Variants in PPP2R2A observed in about 807,000 individuals in gnomAD.
PPP2R2A encodes serine/threonine-protein phosphatase 2A 55 kDa regulatory subunit B alpha isoform.
PPP2R2A carries 9 observed loss-of-function variants against 53.2 expected under a neutral mutation model. That is an observed-to-expected ratio of 0.17 (90% CI 0.10 to 0.30). The LOEUF (loss-of-function observed/expected upper bound fraction) is 0.30. Ranked by LOEUF, PPP2R2A falls within the 10% of genes least tolerant of loss-of-function variation. The probability of loss-of-function intolerance (pLI) is 1.00; values close to 1 mark genes in which losing one functional copy is unlikely to be tolerated. For synonymous variants in PPP2R2A, 169 were observed against 174.2 expected (o/e 0.97, Z 0.23); for missense variants, 235 against 534.6 (o/e 0.44, Z 5.53).
At chr8:26,293,108 T>C (rs1267562671) in intron 1 of PPP2R2A, 1 of 803,706 alleles carries the variant, frequency 1.2e-6, no homozygotes, top group African/African-American at 1.7e-5. Flanking sequence ...TTTAGCAGCA[T>C]TCATTTCGGT....
chr8:26,316,373 T>C (rs2117251579), intron 2 of PPP2R2A, among the ~76,000 whole-genome samples: 1 of 152,308 alleles, frequency 6.6e-6, no homozygotes, highest in South Asian at 2.1e-4. Flanking sequence ...CAAATTAAAA[T>C]AGCTTTTGTC....
intron 2 of PPP2R2A, among the ~76,000 whole-genome samples, chr8:26,300,577 G>C (rs1323145700): frequency 6.6e-6 from 1 of 152,078 alleles, no homozygotes; most frequent in Non-Finnish European, 1.5e-5. Flanking sequence ...AAAAGCTGGC[G>C]GGGCGCGGTG....
intron 2 of PPP2R2A, among the ~76,000 whole-genome samples, chr8:26,335,321 T>TA (rs1433248819): frequency 2.0e-5 from 3 of 152,254 alleles, no homozygotes; most frequent in East Asian, 1.9e-4. Flanking sequence ...TCCATAAACT[T>TA]AGAGATTTAG....
intron 2 of PPP2R2A, among the ~76,000 whole-genome samples, chr8:26,301,384 G>A (rs1449850483): frequency 1.3e-5 from 2 of 148,378 alleles, no homozygotes; most frequent in Non-Finnish European, 3.0e-5. Flanking sequence ...CCTGGCTGGA[G>A]TGCAATGGCG....
At position 26,370,106 on chromosome 8, in the gene PPP2R2A, T is replaced by A; in HGVS notation, c.1065-28T>A. The A allele has an allele frequency of 1.9e-6, 3 of 1,587,804 alleles. No homozygotes were observed. The African/African-American group carries it at 4.1e-5, about 21-fold the overall frequency. On this transcript the variant is annotated intron_variant, in intron 9 of 9. Transcript: ENST00000380737. The surrounding 1 kb of genome is among the most constrained non-coding windows in gnomAD (Gnocchi z 6.1). ...AAAACAATTTCTTGTTCTGCTTGTTTGACTGAGTGTACTGTCTATTTTCAC... is the reference window on the plus strand; with the variant it reads ...AAAACAATTTCTTGTTCTGCTTGTTAGACTGAGTGTACTGTCTATTTTCAC...
intron 2 of PPP2R2A, among the ~76,000 whole-genome samples, chr8:26,325,836 T>A (rs929257376): frequency 6.6e-6 from 1 of 152,154 alleles, no homozygotes; most frequent in Non-Finnish European, 1.5e-5. Flanking sequence ...TTTTTATTTA[T>A]TTTTTATTAT....
At chr8:26,314,618 AT>A (rs2117245227) in intron 2 of PPP2R2A, among the ~76,000 whole-genome samples, 1 of 152,114 alleles carries the variant, frequency 6.6e-6, no homozygotes. Flanking sequence ...GCTGGTTAAC[AT>A]TTTCCGTTAG....
Position 26,291,784 on chromosome 8 carries a change from C to T in PPP2R2A, c.-36C>T, listed in dbSNP as rs781345179. On this transcript the variant is annotated 5_prime_UTR_variant, in exon 1 of 10. Transcript: ENST00000380737. The stretch of plus-strand genomic sequence containing the variant: ...GGGTGAGTTCAGGAAGCGGAGACCC[C>T]GAGGAACCCAGCAGGGTCACCATTT... The T allele has an allele frequency of 6.3e-7, 1 of 1,595,942 alleles. No homozygotes were observed. Among genetic ancestry groups the T allele is most frequent in the African/African-American group, 1.4e-5 (1 of 73,150 alleles).
intron 2 of PPP2R2A, among the ~76,000 whole-genome samples, chr8:26,301,701 A>C (rs186563405): frequency 6.6e-6 from 1 of 152,144 alleles, no homozygotes; most frequent in African/African-American, 2.4e-5. Context: ...ATCAAAATTG[A>C]TATCATTTAG....
chr8:26,313,034 C>CT (rs1298316552), intron 2 of PPP2R2A, among the ~76,000 whole-genome samples: 3 of 149,388 alleles, frequency 2.0e-5, no homozygotes, highest in Admixed American at 6.7e-5. Context: ...TTTCATATTT[C>CT]TTTTTTTTCT....
At chr8:26,346,725 T>A (rs1463602933) in intron 3 of PPP2R2A, among the ~76,000 whole-genome samples, 1 of 152,234 alleles carries the variant, frequency 6.6e-6, no homozygotes, top group Non-Finnish European at 1.5e-5. Context: ...TATTTCTTAG[T>A]GTCTAGTTAT....
At chr8:26,298,957 C>A (rs1040060435) in intron 2 of PPP2R2A, among the ~76,000 whole-genome samples, 1 of 152,134 alleles carries the variant, frequency 6.6e-6, no homozygotes, top group Non-Finnish European at 1.5e-5. Flanking sequence ...TGTGGATAAT[C>A]TGAAGTGTGT....
intron 3 of PPP2R2A, among the ~76,000 whole-genome samples, chr8:26,348,584 A>G (rs1804339808): frequency 6.6e-6 from 1 of 152,230 alleles, no homozygotes; most frequent in Admixed American, 6.5e-5. Flanking sequence ...ATATTCCAAA[A>G]TATGGAAAAA....
intron 2 of PPP2R2A, among the ~76,000 whole-genome samples, chr8:26,308,158 T>A (rs1802109275): frequency 6.6e-6 from 1 of 152,252 alleles, no homozygotes; most frequent in Non-Finnish European, 1.5e-5. Context: ...TAAAAAATGT[T>A]AATAGTCTGA....
chr8:26,323,345 G>T (rs150489530), intron 2 of PPP2R2A, among the ~76,000 whole-genome samples: 1 of 152,328 alleles, frequency 6.6e-6, no homozygotes, highest in Admixed American at 6.5e-5. Flanking sequence ...CAAGCAATCA[G>T]TTTTGCAGCA....
At position 26,370,403 on chromosome 8, in the gene PPP2R2A, A is replaced by G. The variant is rs368687710; in HGVS notation, c.1334A>G (p.Lys445Arg). 52 of 1,613,702 alleles carry G rather than the reference A, an allele frequency of 3.2e-5. No homozygotes were observed. Among genetic ancestry groups the G allele is most frequent in the Non-Finnish European group, 4.1e-5 (48 of 1,179,776 alleles). The change falls in exon 10 of 10, where the codon AAA becomes AGA. Residue 445 changes from lysine to arginine, a missense_variant. Transcript: ENST00000380737. This position sits in a 1 kb window ranked among gnomAD's most constrained non-coding sequence, Gnocchi z 6.1. ...AACAATCTGTATATATTTCAAGACA[A>G]AGTGAATTAGGGTTGGCATTCCTAG... is the stretch of plus-strand genomic sequence containing the variant. ...TTNNLYIFQD[K>R]VN
At chr8:26,306,146 C>T (rs1278419488) in intron 2 of PPP2R2A, among the ~76,000 whole-genome samples, 2 of 151,512 alleles carry the variant, frequency 1.3e-5, no homozygotes, top group Non-Finnish European at 2.9e-5. Context: ...GCCTTCCAGC[C>T]TGGGTGACAG....
rs1021235799 is a variant in PPP2R2A, at chr8:26,368,781, C to T, written c.1065-1353C>T. ...GTGATTGTGCCACCACATTTCAACC[C>T]GGGTGACAGAGTGAAACCCTGTCTT... On this transcript the variant is annotated intron_variant, in intron 9 of 9. Coordinates refer to ENST00000380737, the MANE Select transcript of PPP2R2A (RefSeq NM_002717.4). Among the ~76,000 whole-genome samples, 7 of 152,060 alleles carry T rather than the reference C, an allele frequency of 4.6e-5. No individual in the cohort carries two copies. The South Asian group carries it at 8.3e-4, about 18-fold the overall frequency.
chr8:26,295,516 A>G (rs1307745138), intron 2 of PPP2R2A, among the ~76,000 whole-genome samples: 2 of 152,260 alleles, frequency 1.3e-5, no homozygotes, highest in African/African-American at 4.8e-5. Flanking sequence ...AAACAAAGTC[A>G]AAGTTTTCAA....
Sources: gnomAD v4.1 joint callset for allele counts (sites outside exome capture counted in the v4.1 genomes callset) on GRCh38, gnomAD v4.1.1 for gene constraint, Gnocchi (gnomAD v3.1) non-coding constraint, MANE v1.5 for transcripts, NCBI Gene and HGNC (gene_info 2026-07-23, HGNC 2026-07-21) for gene names.